The following CSMD3 variants were observed in gnomAD, a reference collection of about 807,000 sequenced individuals.
CSMD3 encodes the protein CUB and Sushi multiple domains 3.
Under a neutral mutation model 435.2 loss-of-function variants are expected in CSMD3, and 177 were observed. The ratio of observed to expected loss-of-function variants is 0.41; its 90% confidence interval spans 0.36 to 0.46. CSMD3 has a LOEUF of 0.46. Among genes scored for constraint, CSMD3 ranks in the 20% least tolerant of loss-of-function variants. The probability of loss-of-function intolerance (pLI) is 0.34; values close to 1 mark genes in which losing one functional copy is unlikely to be tolerated. For synonymous variants in CSMD3, 1,656 were observed against 1,520.5 expected, an observed-to-expected ratio of 1.09 and a Z score of -2.07; for missense variants, 4,265 against 4,504.6, an observed-to-expected ratio of 0.95 and a Z score of 1.52.
chr8:112,254,288 G>T lies in CSMD3; in HGVS notation c.10075C>A (p.Arg3359=), dbSNP rs1029153889. 6.2e-7 allele frequency: 1 copy of T among 1,612,656 alleles called. No individual in the cohort carries two copies. The highest frequency in any genetic ancestry group is 1.1e-5 in the South Asian group (1 of 91,072). The change falls in exon 63 of 71, where the codon CGG becomes AGG. Residue 3359 remains arginine (R), a synonymous_variant. Coordinates refer to ENST00000297405, the MANE Select transcript of CSMD3 (RefSeq NM_198123.2). The part of the protein sequence containing the change: ...QTSCENPGVP[R]HGSQNNTFGF... ...AATGTATTGTTCTGAGATCCATGCC[G>T]AGGCACACCTGGGTTTTCACAAGAG...
At chr8:113,242,389 A>T (rs747349503) in intron 3 of CSMD3, among the ~76,000 whole-genome samples, 5 of 152,018 alleles carry the variant, frequency 3.3e-5, no homozygotes, top group Non-Finnish European at 7.4e-5. Flanking sequence ...CTAATAGGTC[A>T]ATTCTGGACC....
chr8:112,828,365 C>G (rs10216505), intron 12 of CSMD3, among the ~76,000 whole-genome samples: 125,497 of 152,176 alleles, frequency 0.82, 52,056 homozygotes, highest in African/African-American at 0.91. Flanking sequence ...GAGGTGAATG[C>G]ATCACAGGGG....
At chr8:113,105,793 A>G in intron 4 of CSMD3, among the ~76,000 whole-genome samples, 1 of 152,196 alleles carries the variant, frequency 6.6e-6, no homozygotes, top group Non-Finnish European at 1.5e-5. Context: ...ATTTTAATAC[A>G]TACATACTAG....
At chr8:113,034,905 A>G (rs1043623471) in intron 5 of CSMD3, among the ~76,000 whole-genome samples, 10 of 152,124 alleles carry the variant, frequency 6.6e-5, no homozygotes, top group African/African-American at 2.4e-4. Context: ...ATATTCATGT[A>G]TATTAACATG....
At chr8:112,833,533 T>G (rs904741236) in intron 11 of CSMD3, among the ~76,000 whole-genome samples, 1 of 152,094 alleles carries the variant, frequency 6.6e-6, no homozygotes, top group African/African-American at 2.4e-5. Context: ...GCATGTCTTC[T>G]GTAAATAATA....
chr8:112,988,017 A>G (rs1458467309), intron 6 of CSMD3, among the ~76,000 whole-genome samples: 3 of 152,062 alleles, frequency 2.0e-5, no homozygotes, highest in African/African-American at 7.2e-5. Context: ...AGGAATCTGT[A>G]TTCTCACATT....
At chr8:112,726,874 T>C (rs1204201038) in intron 13 of CSMD3, among the ~76,000 whole-genome samples, 2 of 151,826 alleles carry the variant, frequency 1.3e-5, no homozygotes, top group Admixed American at 6.6e-5. Flanking sequence ...AACAAAATGA[T>C]ATTACATCAA....
chr8:112,243,708 G>C (rs73338965), intron 65 of CSMD3, among the ~76,000 whole-genome samples: 3,409 of 152,184 alleles, frequency 0.022, 133 homozygotes, highest in African/African-American at 0.077. Context: ...CTAATGAATA[G>C]TGTACCCACA....
intron 10 of CSMD3, among the ~76,000 whole-genome samples, chr8:112,893,364 A>G (rs1204032040): frequency 6.6e-6 from 1 of 151,494 alleles, no homozygotes; most frequent in African/African-American, 2.4e-5. Context: ...CTTTTAAAGT[A>G]TTGGTACACA....
chr8:113,205,169 G>T (rs2092757272), intron 3 of CSMD3, among the ~76,000 whole-genome samples: 1 of 152,090 alleles, frequency 6.6e-6, no homozygotes, highest in Non-Finnish European at 1.5e-5. Context: ...TTTTAGTAGA[G>T]ACGGGGTTTC....
intron 2 of CSMD3, chr8:113,309,626 T>C (rs1028914079): frequency 6.6e-6 from 1 of 152,242 alleles, no homozygotes; most frequent in Non-Finnish European, 1.5e-5. Context: ...AAAGTGAAGT[T>C]TATGTTGCAG....
intron 22 of CSMD3, among the ~76,000 whole-genome samples, chr8:112,623,645 C>G (rs9721091): frequency 6.6e-6 from 1 of 151,044 alleles, no homozygotes; most frequent in East Asian, 1.9e-4. Flanking sequence ...AGGTATATCT[C>G]CCAGTGCTAT....
chr8:112,300,526 C>T (rs1225884562), intron 53 of CSMD3, among the ~76,000 whole-genome samples: 1 of 151,566 alleles, frequency 6.6e-6, no homozygotes, highest in Non-Finnish European at 1.5e-5. Context: ...ATCCATATGC[C>T]CAACCTTATC....
chr8:113,318,337 C>A (rs183081316), intron 1 of CSMD3, among the ~76,000 whole-genome samples: 1 of 152,218 alleles, frequency 6.6e-6, no homozygotes. Flanking sequence ...AAATTTGCAA[C>A]TTGATGCTGT....
At position 112,311,092 on chromosome 8, in the gene CSMD3, C is replaced by T. The variant is rs2130814331; in HGVS notation, c.7771G>A (p.Val2591Met). The T allele has an allele frequency of 1.2e-6, 2 of 1,614,002 alleles. No individual in the cohort carries two copies. The highest frequency in any genetic ancestry group is 2.2e-5 in the South Asian group (2 of 91,076). ...CCTCGATCACAGGCCCAACGGACCA[C>T]ACTGTTAAGCTGCCCACCTGTCTGA... Reference protein sequence around the residue: ...ISQTGGQLNSVVRWACDRGFR... With the variant: ...ISQTGGQLNSMVRWACDRGFR... Residue 2591 changes from valine (V) to methionine (M), a missense_variant, in exon 50 of 71, where the codon GTG (valine) becomes ATG (methionine). By Grantham distance (21) the Val-to-Met change is conservative (BLOSUM62 1). This residue lies in a region of CSMD3 where 3,255 missense variants were observed against 3,380.2 expected (regional missense o/e 0.96). Transcript: ENST00000297405.
At chr8:113,374,839 A>AAAC (rs2094369827) in intron 1 of CSMD3, among the ~76,000 whole-genome samples, 1 of 115,924 alleles carries the variant, frequency 8.6e-6, no homozygotes, top group African/African-American at 3.3e-5. Flanking sequence ...AAAAAAAAAA[A>AAAC]AAAAAAAACC....
intron 13 of CSMD3, among the ~76,000 whole-genome samples, chr8:112,740,934 T>A (rs533323775): frequency 5.3e-5 from 8 of 151,998 alleles, no homozygotes; most frequent in African/African-American, 1.7e-4. Context: ...GCTAGATAAG[T>A]AGATTTAGAA....
chr8:113,144,308 T>C (rs1030927169), intron 4 of CSMD3, among the ~76,000 whole-genome samples: 1 of 151,380 alleles, frequency 6.6e-6, no homozygotes, highest in African/African-American at 2.4e-5. Flanking sequence ...GCTTGCCCTT[T>C]CAATTTCTAG....
chr8:112,933,332 T>C (rs907294465), intron 9 of CSMD3, among the ~76,000 whole-genome samples: 31 of 152,184 alleles, frequency 2.0e-4, no homozygotes, highest in African/African-American at 7.5e-4. Flanking sequence ...ATAGTTCAAA[T>C]TTTTTACCAG....
Sources: allele counts gnomAD v4.1 joint callset (sites outside exome capture counted in the v4.1 genomes callset), GRCh38; gene constraint gnomAD v4.1.1; regional missense constraint gnomAD v4.1.1; transcripts MANE v1.5; gene names NCBI Gene and HGNC (gene_info 2026-07-23, HGNC 2026-07-21).